ADGRF4: variants seen among roughly 807,000 people sequenced by gnomAD.
The protein encoded by ADGRF4 is adhesion G protein-coupled receptor F4, also known as G-protein coupled receptor PGR18.
In ADGRF4, 63 loss-of-function variants were observed where a neutral mutation model predicts 58.5. The observed-to-expected ratio is 1.08, with a 90% confidence interval of 0.88 to 1.33. The LOEUF is 1.33. Among genes scored for constraint, ADGRF4 ranks in the 40% most tolerant of loss-of-function variants. ADGRF4 has a pLI of 0.00. For synonymous variants in ADGRF4, 313 were observed against 295.4 expected, an observed-to-expected ratio of 1.06 and a Z score of -0.61; for missense variants, 931 against 843.9, an observed-to-expected ratio of 1.10 and a Z score of -1.28.
At chr6:47,710,408 A>G (rs972456461) in intron 3 of ADGRF4, among the ~76,000 whole-genome samples, 3 of 152,168 alleles carry the variant, frequency 2.0e-5, no homozygotes, top group South Asian at 2.1e-4. Context: ...GGTAACTCCC[A>G]CATTAGCACA....
In ADGRF4 at chr6:47,721,439, C is replaced by G. The variant is rs1321057417; in HGVS notation, c.*234C>G. 1.3e-5 allele frequency: 2 copies of G among 152,192 alleles called. No homozygotes were observed. The highest frequency in any genetic ancestry group is 2.9e-5 in the Non-Finnish European group (2 of 68,052). The allele number at this position is 152,192 out of a possible 1,614,324, so 9.4% of individuals were successfully genotyped here. ...ATGGACCCCTTAACCTACCCGTGCCCTGCAAGAGGCTGGCTTCTTGGTCAA... is the reference window on the plus strand; with the variant it reads ...ATGGACCCCTTAACCTACCCGTGCCGTGCAAGAGGCTGGCTTCTTGGTCAA... On this transcript the variant is annotated 3_prime_UTR_variant, in exon 10 of 10. Coordinates refer to ENST00000283303, the MANE Select transcript of ADGRF4 (RefSeq NM_153838.5).
Position 47,699,858 on chromosome 6 carries a change from AACAG to A in ADGRF4, c.-17+1073_-17+1076del, listed in dbSNP as rs146565702. ...CTAATTATACTACTGGAACAGAGGA[AACAG>A]ACAGACAGTTATAGAATTAGGGGAA... On this transcript the variant is annotated intron_variant, in intron 1 of 9. Transcript: ENST00000283303. 4.3e-3 allele frequency among the ~76,000 whole-genome samples: 658 copies of A among 152,148 alleles called. 3 individuals are homozygous for A. The highest frequency in any genetic ancestry group is 0.014 in the African/African-American group (575 of 41,496).
chr6:47,720,134 C>T (rs1438901869), intron 9 of ADGRF4, among the ~76,000 whole-genome samples: 1 of 152,104 alleles, frequency 6.6e-6, no homozygotes, highest in African/African-American at 2.4e-5. Context: ...CAGTACAGGG[C>T]TAAGAAATTC....
Position 47,706,741 on chromosome 6 carries a change from G to A in ADGRF4, c.-16-489G>A, listed in dbSNP as rs116541974. On this transcript the variant is annotated intron_variant, in intron 1 of 9. Transcript: ENST00000283303. ...CAGCTGGATCATCTGGGTTGAACTC[G>A]TGGCTCTACCACTTTTTATCAGAGT... is the stretch of plus-strand genomic sequence containing the variant. Among the ~76,000 whole-genome samples, 663 of 152,300 alleles carry A rather than the reference G, an allele frequency of 4.4e-3. 3 individuals are homozygous for A. The highest frequency in any genetic ancestry group is 0.014 in the African/African-American group (576 of 41,576).
chr6:47,718,004 C>T (rs115498739), intron 8 of ADGRF4, among the ~76,000 whole-genome samples: 81 of 152,282 alleles, frequency 5.3e-4, no homozygotes, highest in African/African-American at 1.8e-3. Flanking sequence ...TCCTTAAAAA[C>T]GAAAACTTTT....
chr6:47,713,642 C>T (rs1255624541), intron 5 of ADGRF4, among the ~76,000 whole-genome samples, 156 bp from the exon 6 acceptor site: 1 of 152,094 alleles, frequency 6.6e-6, no homozygotes, highest in Non-Finnish European at 1.5e-5. Context: ...CTCTGTGTGG[C>T]CTTACTAATG....
Position 47,708,288 on chromosome 6 carries a change from T to C in ADGRF4, c.148+10T>C. The C allele has an allele frequency of 6.3e-7, 1 of 1,598,328 alleles. No homozygotes were observed. Among genetic ancestry groups the C allele is most frequent in the Non-Finnish European group, 8.6e-7 (1 of 1,165,758 alleles). ...ACTGGAAGGATCCAAGGTATGTGGC[T>C]ATAGAACAGTCTTCATCCATTTGAA... On this transcript the variant is annotated intron_variant, in intron 3 of 9. Transcript: ENST00000283303.
intron 1 of ADGRF4, among the ~76,000 whole-genome samples, chr6:47,703,623 A>G (rs1480383957): frequency 6.6e-6 from 1 of 152,252 alleles, no homozygotes; most frequent in African/African-American, 2.4e-5. Flanking sequence ...ATGCCAGACT[A>G]TAGAAACATG....
At chr6:47,703,377 A>G (rs1771633172) in intron 1 of ADGRF4, among the ~76,000 whole-genome samples, 1 of 152,184 alleles carries the variant, frequency 6.6e-6, no homozygotes, top group African/African-American at 2.4e-5. Context: ...CCTTAGCTAC[A>G]TTTGAATTCT....
chr6:47,713,989 C>A lies in ADGRF4; in HGVS notation c.744C>A (p.Asn248Lys), dbSNP rs754398637. 4 of 1,604,762 alleles carry A rather than the reference C, an allele frequency of 2.5e-6. No individual in the cohort carries two copies. In the East Asian group the frequency reaches 8.9e-5, roughly 36 times the overall value. Reference sequence around the variant, plus strand: ...TTCAGACAAAAGGGTTTCACATCAACCATAATACCTCAGAGAAAAGCCTCA... The same window carrying A: ...TTCAGACAAAAGGGTTTCACATCAAACATAATACCTCAGAGAAAAGCCTCA... ...LFIQTKGFHI[N>K]HNTSEKSLNF... The change falls in exon 6 of 10, where the codon AAC becomes AAA. Residue 248 changes from asparagine to lysine, a missense_variant. Physicochemically the swap from Asn to Lys is moderately conservative, Grantham distance 94 (BLOSUM62 0). Transcript: ENST00000283303.
chr6:47,719,133 T>A (rs1772100460), intron 9 of ADGRF4, among the ~76,000 whole-genome samples: 1 of 152,162 alleles, frequency 6.6e-6, no homozygotes, highest in African/African-American at 2.4e-5. Context: ...TTTTTATATT[T>A]CTTTCCCTTT....
In ADGRF4 at chr6:47,701,349, G is replaced by A. The variant is rs1002234710; in HGVS notation, c.-17+2555G>A. 3.3e-5 allele frequency among the ~76,000 whole-genome samples: 5 copies of A among 152,282 alleles called. No individual in the cohort carries two copies. The East Asian group carries it at 9.7e-4, about 29-fold the overall frequency. ...GCACAGAAAGAGGCGGGTTATGGAAGTGGAGGAGAAGGAACCTGCGACGTG... is the reference window on the plus strand; with the variant it reads ...GCACAGAAAGAGGCGGGTTATGGAAATGGAGGAGAAGGAACCTGCGACGTG... On this transcript the variant is annotated intron_variant, in intron 1 of 9. Coordinates refer to ENST00000283303, the MANE Select transcript of ADGRF4 (RefSeq NM_153838.5).
intron 5 of ADGRF4, among the ~76,000 whole-genome samples, chr6:47,712,811 T>C (rs1228223151): frequency 6.6e-6 from 1 of 152,218 alleles, no homozygotes; most frequent in Non-Finnish European, 1.5e-5. Flanking sequence ...CCTATCTTTG[T>C]ACACACTTCA....
intron 1 of ADGRF4, among the ~76,000 whole-genome samples, chr6:47,704,830 G>A (rs1030792033): frequency 2.4e-4 from 37 of 152,094 alleles, no homozygotes; most frequent in African/African-American, 7.0e-4. Flanking sequence ...TTGGTTTTAT[G>A]TATAGACACT....
chr6:47,713,777 G>A, intron 5 of ADGRF4, 21 bp from the exon 6 acceptor site: 3 of 1,505,268 alleles, frequency 2.0e-6, no homozygotes, highest in Non-Finnish European at 2.7e-6. Flanking sequence ...TTAGTATAAT[G>A]TTCACCTTTC....
chr6:47,714,706 GTTTTTCT>G lies in ADGRF4; in HGVS notation c.1462_1468del (p.Phe488GlyfsTer20). On this transcript the variant is annotated frameshift_variant, in exon 6 of 10. Transcript: ENST00000283303. LOFTEE classifies it high-confidence loss of function. ...TCAGCCACTTTTTCTACCTCTCTCTGTTTTTCTGGATGCTCTTCAAAGCATTGCTCAT... is the reference window on the plus strand; with the variant it reads ...TCAGCCACTTTTTCTACCTCTCTCTGGGATGCTCTTCAAAGCATTGCTCAT... The G allele has an allele frequency of 6.2e-7, 1 of 1,614,016 alleles. No individual in the cohort carries two copies. The highest frequency in any genetic ancestry group is 8.5e-7 in the Non-Finnish European group (1 of 1,179,970).
At chr6:47,703,070 A>G (rs756302073) in intron 1 of ADGRF4, among the ~76,000 whole-genome samples, 1 of 152,088 alleles carries the variant, frequency 6.6e-6, no homozygotes, top group Non-Finnish European at 1.5e-5. Flanking sequence ...TCTTTCCCTC[A>G]TCCTTTCAGG....
At chr6:47,711,324 G>T (rs988409935) in intron 4 of ADGRF4, among the ~76,000 whole-genome samples, 3 of 152,052 alleles carry the variant, frequency 2.0e-5, no homozygotes, top group African/African-American at 7.2e-5. Context: ...GTGCAGTGGC[G>T]CAATCTCAGC....
chr6:47,710,923 T>A, intron 4 of ADGRF4, 37 bp downstream of exon 4: 1 of 1,589,640 alleles, frequency 6.3e-7, no homozygotes, highest in East Asian at 2.2e-5. Context: ...CAGAAGCCAA[T>A]CCCCCAGCAG....
Sources: gnomAD v4.1 joint callset for allele counts (sites outside exome capture counted in the v4.1 genomes callset) on GRCh38, gnomAD v4.1.1 for gene constraint, MANE v1.5 for transcripts, NCBI Gene and HGNC (gene_info 2026-07-23, HGNC 2026-07-21) for gene names.